The following SNTG1 variants were observed in gnomAD, a reference collection of about 807,000 sequenced individuals.
SNTG1 encodes the protein gamma-1-syntrophin.
SNTG1 carries 39 observed loss-of-function variants against 74.7 expected under a neutral mutation model. That is an observed-to-expected ratio of 0.52 (90% CI 0.40 to 0.68). The LOEUF is 0.68. Ranked by LOEUF, SNTG1 falls within the 30% of genes least tolerant of loss-of-function variation. The pLI is 0.00. For synonymous variants in SNTG1, 254 were observed against 217.1 expected, an observed-to-expected ratio of 1.17 and a Z score of -1.49; for missense variants, 685 against 609.5, an observed-to-expected ratio of 1.12 and a Z score of -1.30.
intron 12 of SNTG1, 74 bp from the exon 13 acceptor site, chr8:50,590,805 C>A: frequency 1.1e-6 from 1 of 920,790 alleles, no homozygotes; most frequent in Non-Finnish European, 1.7e-6. Flanking sequence ...TAAAAATAAT[C>A]TGCATAAAAT....
intron 17 of SNTG1, among the ~76,000 whole-genome samples, chr8:50,741,811 A>G (rs72645806): frequency 0.06 from 9,069 of 152,128 alleles, 314 homozygotes; most frequent in Non-Finnish European, 0.072. Flanking sequence ...GATTCTGGAA[A>G]AGGCAAAACT....
At chr8:50,554,122 C>A (rs1221568867) in intron 12 of SNTG1, among the ~76,000 whole-genome samples, 1 of 152,146 alleles carries the variant, frequency 6.6e-6, no homozygotes, top group Non-Finnish European at 1.5e-5. Flanking sequence ...TGCTTTGAAA[C>A]CTAAGAAAGG....
intron 1 of SNTG1, among the ~76,000 whole-genome samples, chr8:50,020,386 T>C (rs1366030728): frequency 6.6e-6 from 1 of 152,116 alleles, no homozygotes; most frequent in Admixed American, 6.6e-5. Flanking sequence ...CTGCTATTCA[T>C]CTCTCTTTAA....
intron 17 of SNTG1, among the ~76,000 whole-genome samples, chr8:50,741,880 G>A (rs1035319736): frequency 2.0e-5 from 3 of 151,982 alleles, no homozygotes; most frequent in African/African-American, 7.2e-5. Context: ...GGGATGAGTA[G>A]GTGGACCACA....
chr8:50,317,602 G>C (rs1269710139), intron 2 of SNTG1, among the ~76,000 whole-genome samples: 1 of 152,158 alleles, frequency 6.6e-6, no homozygotes, highest in East Asian at 1.9e-4. Context: ...GTTTGAATTA[G>C]AGCAATGCAA....
intron 9 of SNTG1, among the ~76,000 whole-genome samples, chr8:50,508,060 C>CCTCCCCA (rs1262858443): frequency 1.4e-5 from 2 of 140,550 alleles, no homozygotes; most frequent in African/African-American, 6.6e-5. Flanking sequence ...TAATGCTATC[C>CCTCCCCA]CTCCCCACTC....
At chr8:50,417,460 G>T (rs962012673) in intron 4 of SNTG1, among the ~76,000 whole-genome samples, 18 of 152,066 alleles carry the variant, frequency 1.2e-4, no homozygotes, top group Admixed American at 6.6e-4. Context: ...ATGAAATGTC[G>T]CCCAGTTATA....
intron 1 of SNTG1, among the ~76,000 whole-genome samples, chr8:50,118,674 G>A (rs1241832203): frequency 1.4e-5 from 2 of 142,126 alleles, no homozygotes; most frequent in East Asian, 4.0e-4. Flanking sequence ...AAGAGCCTAT[G>A]AGTTGAAAAC....
chr8:50,587,778 C>G (rs373312275), intron 12 of SNTG1, among the ~76,000 whole-genome samples: 34 of 142,868 alleles, frequency 2.4e-4, no homozygotes, highest in African/African-American at 8.7e-4. Flanking sequence ...GCCTGGGGGA[C>G]GAGAGTGAGA....
rs35133955 is a variant in SNTG1 at position 49,982,635 on chromosome 8, A to AGTGTGT, written c.-103+70423_-103+70428dup. ...AAAAAAAAAAGTTTGAGCCCAAAAC[A>AGTGTGT]GTGTGTGTGTGTGTGTGTGTGTGTA... On this transcript the variant is annotated intron_variant, in intron 1 of 18. Coordinates refer to ENST00000642720, the MANE Select transcript of SNTG1 (RefSeq NM_018967.5). 5.4e-3 allele frequency among the ~76,000 whole-genome samples: 777 copies of AGTGTGT among 143,208 alleles called. 13 individuals are homozygous for AGTGTGT. Among genetic ancestry groups the AGTGTGT allele is most frequent in the African/African-American group, 0.019 (731 of 37,870 alleles). The allele number at this position is 143,208 out of a possible 152,430, so 94.0% of individuals were successfully genotyped here.
chr8:50,270,880 G>A (rs968721665), intron 2 of SNTG1, among the ~76,000 whole-genome samples: 4 of 152,154 alleles, frequency 2.6e-5, no homozygotes, highest in African/African-American at 9.7e-5. Flanking sequence ...CAGCCACACC[G>A]TGTGAATTAT....
chr8:49,927,224 C>T (rs1000941046), intron 1 of SNTG1, among the ~76,000 whole-genome samples: 1 of 152,150 alleles, frequency 6.6e-6, no homozygotes, highest in Non-Finnish European at 1.5e-5. Context: ...ATACTCTTAG[C>T]ATACAATCTA....
At position 50,450,731 on chromosome 8, in the gene SNTG1, T is replaced by A. The variant is rs1249791599; in HGVS notation, c.363+2T>A. On this transcript the variant is annotated splice_donor_variant, in intron 8 of 18. Transcript: ENST00000642720. LOFTEE classifies it high-confidence loss of function. ...AGAAAATGTAGACATGAAGAAGTGGTGAGTTTACTTTTTCCTAATGTCATA... is the reference window on the plus strand; with the variant it reads ...AGAAAATGTAGACATGAAGAAGTGGAGAGTTTACTTTTTCCTAATGTCATA... 1 of 1,612,392 alleles carries A rather than the reference T, an allele frequency of 6.2e-7. No individual in the cohort carries two copies. The highest frequency in any genetic ancestry group is 8.5e-7 in the Non-Finnish European group (1 of 1,179,518).
chr8:50,499,232 T>A (rs1205260004), intron 8 of SNTG1, among the ~76,000 whole-genome samples: 5 of 151,928 alleles, frequency 3.3e-5, no homozygotes, highest in African/African-American at 9.6e-5. Context: ...AAATTACTCA[T>A]AGCAATGTTT....
intron 1 of SNTG1, among the ~76,000 whole-genome samples, chr8:50,099,806 C>A (rs138733631): frequency 2.5e-4 from 38 of 152,146 alleles, no homozygotes; most frequent in Admixed American, 7.2e-4. Context: ...CTAATCAGAG[C>A]ATTTGCACAT....
intron 2 of SNTG1, among the ~76,000 whole-genome samples, chr8:50,350,180 C>T (rs544894788): frequency 2.6e-5 from 4 of 152,240 alleles, no homozygotes; most frequent in African/African-American, 9.6e-5. Context: ...CTGCAGCCCG[C>T]CATGCCTGAG....
intron 2 of SNTG1, among the ~76,000 whole-genome samples, chr8:50,329,578 T>C (rs1026766118): frequency 6.6e-6 from 1 of 152,062 alleles, no homozygotes; most frequent in Non-Finnish European, 1.5e-5. Flanking sequence ...ACACTAGAGC[T>C]GTAGTGGCTC....
Position 50,175,302 on chromosome 8 carries a change from G to A in SNTG1, c.-28+2667G>A, listed in dbSNP as rs16914392. 9.0e-3 allele frequency among the ~76,000 whole-genome samples: 1,376 copies of A among 152,234 alleles called. 23 individuals are homozygous for A. The highest frequency in any genetic ancestry group is 0.032 in the African/African-American group (1,321 of 41,530). On this transcript the variant is annotated intron_variant, in intron 2 of 18. Transcript: ENST00000642720. The stretch of plus-strand genomic sequence containing the variant: ...GGAATCGCCACACCGAAGCAGCAGC[G>A]AGTGATCTAGAACTTGGCTGCTCTG...
At chr8:50,487,580 C>T (rs1022985489) in intron 8 of SNTG1, among the ~76,000 whole-genome samples, 8 of 151,814 alleles carry the variant, frequency 5.3e-5, no homozygotes, top group Non-Finnish European at 8.8e-5. Flanking sequence ...AGTAAACTAT[C>T]GCAAGATCAA....
Sources: allele counts gnomAD v4.1 joint callset (sites outside exome capture counted in the v4.1 genomes callset), GRCh38; gene constraint gnomAD v4.1.1; transcripts MANE v1.5; gene names NCBI Gene and HGNC (gene_info 2026-07-23, HGNC 2026-07-21).